ASIC2: variants seen among roughly 807,000 people sequenced by gnomAD.
ASIC2 encodes the protein acid-sensing ion channel 2.
ASIC2 carries 25 observed loss-of-function variants against 57.3 expected under a neutral mutation model. The ratio of observed to expected loss-of-function variants is 0.44; its 90% CI spans 0.32 to 0.61. The LOEUF (loss-of-function observed/expected upper bound fraction) is 0.61, where lower values mean the gene tolerates loss of function less well. ASIC2 is among the 20% of genes least tolerant of loss of function. The pLI, the probability that ASIC2 is intolerant of heterozygous loss-of-function variation, is 0.06. For missense variants in ASIC2, 641 were observed against 738.1 expected, an observed-to-expected ratio of 0.87 and a Z score of 1.52; for synonymous variants, 319 against 307.5, an observed-to-expected ratio of 1.04 and a Z score of -0.39.
intron 1 of ASIC2, among the ~76,000 whole-genome samples, chr17:33,336,668 T>C (rs1907525947): frequency 6.6e-6 from 1 of 152,192 alleles, no homozygotes; most frequent in Admixed American, 6.5e-5. Flanking sequence ...TGCTCAAGGC[T>C]GCCTGTGTCT....
chr17:33,730,984 T>C (rs1909721783), intron 1 of ASIC2, among the ~76,000 whole-genome samples: 1 of 152,204 alleles, frequency 6.6e-6, no homozygotes, highest in Non-Finnish European at 1.5e-5. Flanking sequence ...ATCTTGTTTC[T>C]ACAACACTCT....
intron 1 of ASIC2, among the ~76,000 whole-genome samples, chr17:34,136,043 T>C (rs1912118393): frequency 1.3e-5 from 2 of 152,136 alleles, no homozygotes; most frequent in Admixed American, 1.3e-4. Context: ...CAGGCTGTCA[T>C]GACAGGGCAG....
At chr17:34,140,295 T>C (rs1429549403) in intron 1 of ASIC2, among the ~76,000 whole-genome samples, 1 of 151,940 alleles carries the variant, frequency 6.6e-6, no homozygotes, top group Non-Finnish European at 1.5e-5. Context: ...CGGGGACCAA[T>C]ATGGAAGGAG....
intron 2 of ASIC2, among the ~76,000 whole-genome samples, chr17:33,096,222 G>A (rs904046637): frequency 6.6e-6 from 1 of 152,194 alleles, no homozygotes; most frequent in African/African-American, 2.4e-5. Flanking sequence ...GTTCATAGAA[G>A]CAGAAAGGAA....
In ASIC2 at chr17:33,368,125, C is replaced by T. The variant is rs1433987936; in HGVS notation, c.556-256058G>A. The stretch of plus-strand genomic sequence containing the variant: ...TAAATCTATGCTCTCTCTTCTTGAA[C>T]CCAGTGGACCATTGTAACAGCTTTG... On this transcript the variant is annotated intron_variant, in intron 1 of 9. Coordinates refer to the ASIC2 transcript ENST00000359872. 4.6e-5 allele frequency among the ~76,000 whole-genome samples: 7 copies of T among 152,346 alleles called. No homozygotes were observed. In the East Asian group the frequency reaches 1.3e-3, roughly 29 times the overall value.
intron 1 of ASIC2, among the ~76,000 whole-genome samples, chr17:33,263,917 G>T (rs559445125): frequency 6.6e-6 from 1 of 151,430 alleles, no homozygotes; most frequent in African/African-American, 2.4e-5. Flanking sequence ...TCCCCAAGTC[G>T]CAGGGCTGGG....
At chr17:33,497,141 A>T (rs1913961742) in intron 1 of ASIC2, among the ~76,000 whole-genome samples, 1 of 152,236 alleles carries the variant, frequency 6.6e-6, no homozygotes, top group Admixed American at 6.5e-5. Flanking sequence ...GGTAGTGGGC[A>T]TGTGTGATTT....
intron 1 of ASIC2, among the ~76,000 whole-genome samples, chr17:33,749,394 A>G (rs1910362217): frequency 6.6e-6 from 1 of 151,798 alleles, no homozygotes; most frequent in African/African-American, 2.4e-5. Context: ...GCTGTCTAAG[A>G]GTGCAGGTGG....
intron 1 of ASIC2, among the ~76,000 whole-genome samples, chr17:33,570,990 A>G (rs948778502): frequency 6.6e-6 from 1 of 152,206 alleles, no homozygotes; most frequent in Non-Finnish European, 1.5e-5. Context: ...CCCAGGTTCA[A>G]GAGTTGGAGA....
At chr17:33,040,172 G>C (rs1262608071) in intron 3 of ASIC2, among the ~76,000 whole-genome samples, 1 of 152,192 alleles carries the variant, frequency 6.6e-6, no homozygotes, top group Non-Finnish European at 1.5e-5. Context: ...TATCTCCCTA[G>C]TTAGGAGGTT....
Position 33,575,966 on chromosome 17 carries a change from T to G in ASIC2, c.556-463899A>C, listed in dbSNP as rs140277675. Among the ~76,000 whole-genome samples the G allele has an allele frequency of 2.0e-4, 31 of 152,318 alleles. No individual in the cohort carries two copies. In the East Asian group the frequency reaches 5.8e-3, roughly 28 times the overall value. The stretch of plus-strand genomic sequence containing the variant: ...TTAACACATGAAAATAAAAGCCGAT[T>G]TGGAAACAGAGTCCATCATTTATTT... On this transcript the variant is annotated intron_variant, in intron 1 of 9. Transcript: ENST00000359872.
chr17:33,608,409 CAT>C (rs1047640628), intron 1 of ASIC2, among the ~76,000 whole-genome samples: 4 of 152,130 alleles, frequency 2.6e-5, no homozygotes, highest in Non-Finnish European at 5.9e-5. Flanking sequence ...GGAAGAGACT[CAT>C]ATATTTTCGG....
chr17:33,030,830 T>C (rs1455887728), intron 3 of ASIC2, among the ~76,000 whole-genome samples: 3 of 152,174 alleles, frequency 2.0e-5, no homozygotes, highest in Non-Finnish European at 4.4e-5. Flanking sequence ...CTGAAGAAGC[T>C]GAACCCAACT....
chr17:33,298,552 A>G (rs1435326764), intron 1 of ASIC2, among the ~76,000 whole-genome samples: 1 of 152,204 alleles, frequency 6.6e-6, no homozygotes, highest in African/African-American at 2.4e-5. Flanking sequence ...GTGCCGCAAT[A>G]AACATACGTG....
At position 33,815,652 on chromosome 17, in the gene ASIC2, C is replaced by T. The variant is rs535816571; in HGVS notation, c.555+340326G>A. ...AGGATATCAATGTCATGTTAACTTG[C>T]ATTCTGTTAGCTAATGACTGGATAC... On this transcript the variant is annotated intron_variant, in intron 1 of 9. Coordinates refer to the ASIC2 transcript ENST00000359872. Among the ~76,000 whole-genome samples the T allele has an allele frequency of 5.9e-5, 9 of 152,286 alleles. No homozygotes were observed. The South Asian group carries it at 1.9e-3, about 32-fold the overall frequency.
At chr17:33,101,003 T>C (rs1439448545) in intron 2 of ASIC2, among the ~76,000 whole-genome samples, 1 of 152,234 alleles carries the variant, frequency 6.6e-6, no homozygotes, top group Non-Finnish European at 1.5e-5. Context: ...ATCATTTCTT[T>C]AGAGTCCTCG....
chr17:33,430,791 G>A (rs1006395819), intron 1 of ASIC2, among the ~76,000 whole-genome samples: 2 of 152,310 alleles, frequency 1.3e-5, no homozygotes, highest in Non-Finnish European at 2.9e-5. Flanking sequence ...ACATAGATTA[G>A]ATGAAGGCAG....
Position 33,110,696 on chromosome 17 carries a change from C to T in ASIC2, c.859+1221G>A, listed in dbSNP as rs375954060. On this transcript the variant is annotated intron_variant, in intron 2 of 9. Coordinates refer to ENST00000225823, the MANE Select transcript of ASIC2 (RefSeq NM_183377.2). ...TCAGTCCTCCTGGGGTGGAAGCCCT[C>T]GCTGTCTCAGCAGCCTGGTAAGCCT... 3.4e-4 allele frequency among the ~76,000 whole-genome samples: 52 copies of T among 152,292 alleles called. No individual in the cohort carries two copies. In the South Asian group the frequency reaches 9.6e-3, roughly 28 times the overall value.
chr17:34,130,546 C>T (rs1911921961), intron 1 of ASIC2, among the ~76,000 whole-genome samples: 2 of 152,320 alleles, frequency 1.3e-5, no homozygotes, highest in African/African-American at 2.4e-5. Flanking sequence ...AAGATATAGT[C>T]CCTGTTGAAA....
Sources: gnomAD v4.1 joint callset for allele counts (sites outside exome capture counted in the v4.1 genomes callset) on GRCh38, gnomAD v4.1.1 for gene constraint, MANE v1.5 for transcripts, NCBI Gene and HGNC (gene_info 2026-07-23, HGNC 2026-07-21) for gene names.